Variants in KIAA1586 observed in about 807,000 individuals in gnomAD.
KIAA1586 encodes the protein KIAA1586.
A neutral mutation model predicts 6.1 loss-of-function variants in KIAA1586; 5 were observed. That is an observed-to-expected ratio of 0.82 (90% confidence interval 0.43 to 1.73). KIAA1586 has a LOEUF of 1.73. KIAA1586 is among the 40% of genes most tolerant of loss of function. The pLI, the probability that KIAA1586 is intolerant of heterozygous loss-of-function variation, is 0.02. For synonymous variants in KIAA1586, 280 were observed against 301.7 expected (o/e 0.93, Z 0.75); for missense variants, 899 against 878.2 (o/e 1.02, Z -0.30).
chr6:57,054,439 C>T lies in KIAA1586; in HGVS notation c.1940C>T (p.Pro647Leu). 6.2e-7 allele frequency: 1 copy of T among 1,607,394 alleles called. No individual in the cohort carries two copies. Among genetic ancestry groups the T allele is most frequent in the African/African-American group, 1.3e-5 (1 of 74,568 alleles). ...TGGCCTTATGAAGAAATAACTTCAC[C>T]ATGGATAGCTGGTGAAAAAACATTA... The part of the protein sequence containing the change: ...STWPYEEITS[P>L]WIAGEKTLFH... The change falls in exon 4 of 4, where the codon CCA (proline) becomes CTA (leucine). Residue 647 changes from proline (P) to leucine (L), a missense_variant. Physicochemically the swap from Pro to Leu is moderately conservative, Grantham distance 98. Transcript: ENST00000370733.
At chr6:57,066,590 A>G in the KIAA1586 span, among the ~76,000 whole-genome samples, 2 of 152,136 alleles carry the variant, frequency 1.3e-5, no homozygotes, top group African/African-American at 4.8e-5. Flanking sequence ...AGGACAGACA[A>G]AAGGGGGCTG....
At chr6:57,058,579 A>G (rs181307921), downstream of KIAA1586, among the ~76,000 whole-genome samples, 14 of 152,348 alleles carry the variant, frequency 9.2e-5, no homozygotes, top group Middle Eastern at 3.4e-3. Flanking sequence ...TTTCTACCCA[A>G]TATCCTATGG....
Position 57,054,184 on chromosome 6 carries a change from G to A in KIAA1586, c.1685G>A (p.Arg562Lys). 2 of 1,592,530 alleles carry A rather than the reference G, an allele frequency of 1.3e-6. No individual in the cohort carries two copies. The highest frequency in any genetic ancestry group is 1.7e-4 in the Middle Eastern group (1 of 5,920). The change falls in exon 4 of 4, where the codon AGA becomes AAA. Residue 562 changes from arginine (R) to lysine (K), a missense_variant. Coordinates refer to ENST00000370733, the MANE Select transcript of KIAA1586 (RefSeq NM_020931.4). Reference sequence around the variant, plus strand: ...CAAAAATTGATCAAACGTACCATAAGAGCTTTGGAAAATTTAAAAATTGGT... The same window carrying A: ...CAAAAATTGATCAAACGTACCATAAAAGCTTTGGAAAATTTAAAAATTGGT... ...KAQKLIKRTI[R>K]ALENLKIGTG...
chr6:57,049,536 A>G (rs1454748179), intron 2 of KIAA1586, among the ~76,000 whole-genome samples: 1 of 152,206 alleles, frequency 6.6e-6, no homozygotes, highest in Non-Finnish European at 1.5e-5. Context: ...AATAAACAAT[A>G]TGCTGAAAGA....
Position 57,054,862 on chromosome 6 carries a change from AGAATATTGTATACGTTTTTTGTCATCT to A in KIAA1586, c.*1_*27del. 1 of 1,543,278 alleles carries A rather than the reference AGAATATTGTATACGTTTTTTGTCATCT, an allele frequency of 6.5e-7. No homozygotes were observed. The highest frequency in any genetic ancestry group is 8.8e-7 in the Non-Finnish European group (1 of 1,142,156). On this transcript the variant is annotated stop_retained_variant and 3_prime_UTR_variant, in exon 4 of 4. Transcript: ENST00000370733. ...CAATTGGCTATATGGAACTTAAAAT[AGAATATTGTATACGTTTTTTGTCATCT>A]GTAAATTATGTACTACACATCCTTT...
intron 3 of KIAA1586, among the ~76,000 whole-genome samples, chr6:57,052,356 A>G (rs1327220887): frequency 3.3e-5 from 5 of 152,202 alleles, no homozygotes; most frequent in African/African-American, 1.2e-4. Flanking sequence ...TTCATTTTAT[A>G]CAAGGGACTT....
At chr6:57,048,841 G>C (rs901973452) in intron 2 of KIAA1586, among the ~76,000 whole-genome samples, 1 of 152,126 alleles carries the variant, frequency 6.6e-6, no homozygotes. Flanking sequence ...ATGTGCCGTT[G>C]AGAAACACAG....
intron 2 of KIAA1586, among the ~76,000 whole-genome samples, chr6:57,048,582 C>T (rs779242932): frequency 6.6e-6 from 1 of 152,020 alleles, no homozygotes; most frequent in African/African-American, 2.4e-5. Flanking sequence ...GAGTAAGCAA[C>T]GTAACTTGAA....
chr6:57,057,642 T>C (rs1026577743), downstream of KIAA1586, among the ~76,000 whole-genome samples: 37 of 152,042 alleles, frequency 2.4e-4, no homozygotes, highest in African/African-American at 8.7e-4. Context: ...TAGTCCCAGC[T>C]ACTCAGGAGG....
Position 57,050,790 on chromosome 6 carries a change from C to A in KIAA1586, c.122C>A (p.Pro41His). The change falls in exon 3 of 4, where the codon CCT becomes CAT. Residue 41 changes from proline (P) to histidine (H), a missense_variant. By Grantham distance (77) the Pro-to-His change is moderately conservative (BLOSUM62 -2). Coordinates refer to ENST00000370733, the MANE Select transcript of KIAA1586 (RefSeq NM_020931.4). ...CCTTTTTAGGAAGGACCATCGAGAC[C>A]TGTTCTTGAATACATCGATCTGGTC... ...IQFVSEGPSR[P>H]VLEYIDLVCG... is the part of the protein sequence containing the mutation. 1 of 1,612,718 alleles carries A rather than the reference C, an allele frequency of 6.2e-7. No individual in the cohort carries two copies. The highest frequency in any genetic ancestry group is 1.1e-5 in the South Asian group (1 of 90,970).
chr6:57,056,567 G>A (rs1174622781), downstream of KIAA1586, among the ~76,000 whole-genome samples: 1 of 149,376 alleles, frequency 6.7e-6, no homozygotes, highest in African/African-American at 2.5e-5. Flanking sequence ...GGATGGGAGA[G>A]GGGAGGGTCC....
the KIAA1586 span, among the ~76,000 whole-genome samples, chr6:57,064,174 T>C: frequency 6.6e-6 from 1 of 152,214 alleles, no homozygotes; most frequent in African/African-American, 2.4e-5. Flanking sequence ...AGATACATAT[T>C]TCCCCATTCC....
chr6:57,048,824 A>C (rs1195211145), intron 2 of KIAA1586, among the ~76,000 whole-genome samples: 2 of 152,208 alleles, frequency 1.3e-5, no homozygotes, highest in African/African-American at 4.8e-5. Flanking sequence ...CGTCTGATTC[A>C]TGATCCATGT....
At chr6:57,059,325 G>A (rs552524135), downstream of KIAA1586, among the ~76,000 whole-genome samples, 4 of 152,260 alleles carry the variant, frequency 2.6e-5, no homozygotes, top group South Asian at 8.3e-4. Flanking sequence ...AGGCGCACTG[G>A]CTCATGCCTG....
intron 3 of KIAA1586, 57 bp from the exon 4 acceptor site, chr6:57,052,629 T>G (rs529935079): frequency 7.4e-7 from 1 of 1,353,366 alleles, no homozygotes; most frequent in African/African-American, 1.5e-5. Flanking sequence ...GAGAACTTTT[T>G]ACATTGACCC....
the KIAA1586 span, among the ~76,000 whole-genome samples, chr6:57,061,466 C>T: frequency 1.3e-5 from 2 of 152,022 alleles, no homozygotes; most frequent in Non-Finnish European, 2.9e-5. Context: ...AGTCATGGCT[C>T]ACTGCAGCAT....
chr6:57,046,732 G>T lies in KIAA1586; in HGVS notation c.-24G>T, dbSNP rs754689148. 9 of 1,612,524 alleles carry T rather than the reference G, an allele frequency of 5.6e-6. No individual in the cohort carries two copies. The South Asian group carries it at 7.7e-5, about 14-fold the overall frequency. ...CAGTAGGGACAGCAGGAGCAGTGGTGCTGTCAGCGCGGCCGTCGGAGACAT... is the reference window on the plus strand; with the variant it reads ...CAGTAGGGACAGCAGGAGCAGTGGTTCTGTCAGCGCGGCCGTCGGAGACAT... On this transcript the variant is annotated 5_prime_UTR_variant, in exon 1 of 4. Transcript: ENST00000370733.
intron 3 of KIAA1586, among the ~76,000 whole-genome samples, chr6:57,052,247 T>TA (rs1348569283): frequency 6.6e-6 from 1 of 152,136 alleles, no homozygotes; most frequent in African/African-American, 2.4e-5. Flanking sequence ...TAATACATTA[T>TA]AAAAACTTTT....
Position 57,054,448 on chromosome 6 carries a change from C to A in KIAA1586, c.1949C>A (p.Ala650Asp), listed in dbSNP as rs763146193. The change falls in exon 4 of 4, where the codon GCT becomes GAT. Residue 650 changes from alanine to aspartate, a missense_variant. By Grantham distance (126) the Ala-to-Asp change is moderately radical. Coordinates refer to ENST00000370733, the MANE Select transcript of KIAA1586 (RefSeq NM_020931.4). ...GAAGAAATAACTTCACCATGGATAG[C>A]TGGTGAAAAAACATTATTTCATTTG... ...PYEEITSPWI[A>D]GEKTLFHLCK... 1 of 1,605,676 alleles carries A rather than the reference C, an allele frequency of 6.2e-7. No homozygotes were observed. Among genetic ancestry groups the A allele is most frequent in the African/African-American group, 1.3e-5 (1 of 74,442 alleles).
Sources: allele counts gnomAD v4.1 joint callset (sites outside exome capture counted in the v4.1 genomes callset), GRCh38; gene constraint gnomAD v4.1.1; transcripts MANE v1.5; gene names NCBI Gene and HGNC (gene_info 2026-07-23, HGNC 2026-07-21).